MYO9B: variants seen among roughly 807,000 people sequenced by gnomAD.
The protein encoded by MYO9B is unconventional myosin-IXb.
A neutral mutation model predicts 229.5 loss-of-function variants in MYO9B; 71 were observed. The ratio of observed to expected loss-of-function variants is 0.31; its 90% CI spans 0.26 to 0.38. The LOEUF (loss-of-function observed/expected upper bound fraction) is 0.38. Ranked by LOEUF, MYO9B falls within the 10% of genes least tolerant of loss-of-function variation. The pLI, the probability that MYO9B is intolerant of heterozygous loss-of-function variation, is 1.00. For synonymous variants in MYO9B, 1,185 were observed against 1,235.8 expected, an observed-to-expected ratio of 0.96 and a Z score of 0.86; for missense variants, 2,255 against 2,920.5, an observed-to-expected ratio of 0.77 and a Z score of 5.25.
At chr19:17,090,887 C>T (rs1031714154) in intron 1 of MYO9B, among the ~76,000 whole-genome samples, 5 of 152,184 alleles carry the variant, frequency 3.3e-5, no homozygotes, top group African/African-American at 1.2e-4. Context: ...AATCTGCTTC[C>T]TTCCATTCCC....
Position 17,172,846 on chromosome 19 carries a change from A to G in MYO9B, c.2023A>G (p.Ile675Val), listed in dbSNP as rs1400977887. ...TGACAGCTCCTACGTGCGGGAGCTCATCGGCATGGACCCCGTGGCCGTGTT... is the reference window on the plus strand; with the variant it reads ...TGACAGCTCCTACGTGCGGGAGCTCGTCGGCATGGACCCCGTGGCCGTGTT... ...GSDSSYVREL[I>V]GMDPVAVFRW... The change falls in exon 13 of 40, where the codon ATC becomes GTC. Residue 675 changes from isoleucine to valine, a missense_variant. Coordinates refer to ENST00000682292, the MANE Select transcript of MYO9B (RefSeq NM_004145.4). The surrounding 1 kb of genome is among the most constrained non-coding windows in gnomAD (Gnocchi z 8.2). The G allele has an allele frequency of 1.2e-6, 2 of 1,610,986 alleles. No homozygotes were observed. The highest frequency in any genetic ancestry group is 1.7e-6 in the Non-Finnish European group (2 of 1,179,804).
At position 17,212,125 on chromosome 19, in the gene MYO9B, C is replaced by G. The variant is rs749277786; in HGVS notation, c.6289C>G (p.Arg2097Gly). Reference sequence around the variant, plus strand: ...GGAGGCGGCTGCCCCAGTGCGGCGCCGGGAGCCACCTGCCCGCCGCCCGGA... The same window carrying G: ...GGAGGCGGCTGCCCCAGTGCGGCGCGGGGAGCCACCTGCCCGCCGCCCGGA... ...AREAAAPVRR[R>G]EPPARRPDQI... The change falls in exon 40 of 40, where the codon CGG becomes GGG. Residue 2097 changes from arginine (R) to glycine (G), a missense_variant. Coordinates refer to ENST00000682292, the MANE Select transcript of MYO9B (RefSeq NM_004145.4). The surrounding 1 kb of genome is among the most constrained non-coding windows in gnomAD (Gnocchi z 5.4). 1 of 1,589,154 alleles carries G rather than the reference C, an allele frequency of 6.3e-7. No homozygotes were observed. Among genetic ancestry groups the G allele is most frequent in the African/African-American group, 1.3e-5 (1 of 74,292 alleles).
intron 2 of MYO9B, among the ~76,000 whole-genome samples, chr19:17,113,447 C>T (rs566941178): frequency 5.9e-5 from 9 of 152,246 alleles, no homozygotes; most frequent in Admixed American, 3.3e-4. Flanking sequence ...CCCCCCTGCT[C>T]GCCCTGCGAG....
At chr19:17,186,551 G>T (rs975791311) in intron 18 of MYO9B, among the ~76,000 whole-genome samples, 1 of 152,042 alleles carries the variant, frequency 6.6e-6, no homozygotes, top group Admixed American at 6.6e-5. Context: ...GGAACCTCCC[G>T]CCAACTGTAC....
chr19:17,113,494 G>A (rs929653281), intron 2 of MYO9B, among the ~76,000 whole-genome samples: 4 of 152,144 alleles, frequency 2.6e-5, no homozygotes, highest in African/African-American at 9.7e-5. Flanking sequence ...CATCCGAAAG[G>A]CTAAACAGCG....
At chr19:17,085,416 G>A (rs1383095664) in intron 1 of MYO9B, among the ~76,000 whole-genome samples, 2 of 152,052 alleles carry the variant, frequency 1.3e-5, no homozygotes, top group Non-Finnish European at 2.9e-5. Context: ...GCCAGGTAGC[G>A]AGCCACCTAG....
At chr19:17,159,129 G>A (rs1030701400) in intron 7 of MYO9B, among the ~76,000 whole-genome samples, 5 of 152,018 alleles carry the variant, frequency 3.3e-5, no homozygotes, top group African/African-American at 1.2e-4. Flanking sequence ...AGGAGGCAGA[G>A]GTTGCAGTGA....
chr19:17,079,850 C>G (rs1027015383), intron 1 of MYO9B, among the ~76,000 whole-genome samples: 2 of 152,284 alleles, frequency 1.3e-5, no homozygotes, highest in African/African-American at 4.8e-5. Flanking sequence ...GGCCTCTCGG[C>G]AAAGCAAGAC....
At chr19:17,118,767 G>A (rs992918448) in intron 2 of MYO9B, among the ~76,000 whole-genome samples, 8 of 152,144 alleles carry the variant, frequency 5.3e-5, no homozygotes, top group Non-Finnish European at 7.4e-5. Context: ...GATCACAGGC[G>A]TGAGCCACCA....
rs530956242 is a variant in MYO9B at position 17,100,984 on chromosome 19, T to G, written c.-58-676T>G. ...AGTCGTCTTCTGCTTGGGGAGCTGC[T>G]GGGGAGGTTTATTCAGAGATGAGGT... is the stretch of plus-strand genomic sequence containing the variant. On this transcript the variant is annotated intron_variant, in intron 1 of 39. Coordinates refer to ENST00000682292, the MANE Select transcript of MYO9B (RefSeq NM_004145.4). 1.3e-3 allele frequency among the ~76,000 whole-genome samples: 201 copies of G among 150,148 alleles called. 1 individual carries two copies. The highest frequency in any genetic ancestry group is 2.0e-3 in the Non-Finnish European group (133 of 67,676).
chr19:17,181,595 GA>G (rs2072861585), intron 15 of MYO9B, among the ~76,000 whole-genome samples: 1 of 152,174 alleles, frequency 6.6e-6, no homozygotes, highest in African/African-American at 2.4e-5. Context: ...CCATTATGCT[GA>G]CCCAGCACCA....
Position 17,187,941 on chromosome 19 carries a change from C to G in MYO9B, c.2584C>G (p.Leu862Val). The change falls in exon 19 of 40, where the codon CTG becomes GTG. Residue 862 changes from leucine (L) to valine (V), a missense_variant. Leu to Val is a conservative substitution (Grantham distance 32, BLOSUM62 1). This residue lies in a region of MYO9B where 68 missense variants were observed against 133.5 expected (regional missense o/e 0.51). Transcript: ENST00000682292. The stretch of plus-strand genomic sequence containing the variant: ...TCTCGCATTCCCATTTCAGAAAGAG[C>G]TGTGCTTTGACGACGAGCTGGTCCT... The part of the protein sequence containing the change: ...CIRSNAEKKE[L>V]CFDDELVLQQ... 6.3e-7 allele frequency: 1 copy of G among 1,583,666 alleles called. No individual in the cohort carries two copies. Among genetic ancestry groups the G allele is most frequent in the Non-Finnish European group, 8.6e-7 (1 of 1,164,874 alleles).
chr19:17,144,843 G>A (rs547647184), intron 2 of MYO9B, among the ~76,000 whole-genome samples: 21 of 151,646 alleles, frequency 1.4e-4, no homozygotes, highest in East Asian at 9.7e-4. Context: ...GGCAGCGTGC[G>A]CCTGTAATCC....
At position 17,195,402 on chromosome 19, in the gene MYO9B, T is replaced by C; in HGVS notation, c.3975T>C (p.Ser1325=). 4 of 1,609,378 alleles carry C rather than the reference T, an allele frequency of 2.5e-6. No homozygotes were observed. Among genetic ancestry groups the C allele is most frequent in the South Asian group, 2.2e-5 (2 of 90,928 alleles). Residue 1325 remains serine, a synonymous_variant, in exon 22 of 40, where the codon AGT becomes AGC. Coordinates refer to ENST00000682292, the MANE Select transcript of MYO9B (RefSeq NM_004145.4). The surrounding 1 kb of genome is among the most constrained non-coding windows in gnomAD (Gnocchi z 4.5). ...GKKLVAAASP[S]AMLSQSLDLS... is the part of the protein sequence containing the mutation. ...AGCTGGTGGCCGCCGCCAGCCCTAG[T>C]GCCATGCTCAGCCAGTCCCTGGACC...
intron 1 of MYO9B, among the ~76,000 whole-genome samples, chr19:17,096,563 G>A (rs886717710): frequency 1.5e-4 from 23 of 152,012 alleles, no homozygotes; most frequent in Admixed American, 1.2e-3. Flanking sequence ...GGTCGAGGCT[G>A]CAGTGAGCTG....
rs142295671 is a variant in MYO9B at position 17,154,826 on chromosome 19, G to A, written c.1199+411G>A. Among the ~76,000 whole-genome samples the A allele has an allele frequency of 4.9e-4, 75 of 152,222 alleles. 1 individual carries two copies. The highest frequency in any genetic ancestry group is 2.9e-5 in the Non-Finnish European group (2 of 68,022). ...AAATAAATAAAATTAGCCAGGCGTGGTAGTATGCACCTGTGGTCCCAGCTA... is the reference window on the plus strand; with the variant it reads ...AAATAAATAAAATTAGCCAGGCGTGATAGTATGCACCTGTGGTCCCAGCTA... On this transcript the variant is annotated intron_variant, in intron 6 of 39. Transcript: ENST00000682292.
intron 24 of MYO9B, among the ~76,000 whole-genome samples, chr19:17,199,698 T>A (rs2073085694): frequency 1.4e-5 from 1 of 73,548 alleles, no homozygotes. Flanking sequence ...TTCTTTTTTT[T>A]TCTTTTTTTT....
At chr19:17,097,753 AC>A (rs138913679) in intron 1 of MYO9B, among the ~76,000 whole-genome samples, 1,799 of 151,976 alleles carry the variant, frequency 0.012, 46 homozygotes, top group African/African-American at 0.04. Context: ...CCCTGACCCC[AC>A]TCAGTCACAG....
At chr19:17,081,328 C>G (rs2057532150) in intron 1 of MYO9B, among the ~76,000 whole-genome samples, 1 of 152,092 alleles carries the variant, frequency 6.6e-6, no homozygotes, top group Non-Finnish European at 1.5e-5. Context: ...TGCCCGGCCT[C>G]AACTTACATT....
Sources: gnomAD v4.1 joint callset for allele counts (sites outside exome capture counted in the v4.1 genomes callset) on GRCh38, gnomAD v4.1.1 for gene constraint, gnomAD v4.1.1 regional missense constraint, Gnocchi (gnomAD v3.1) non-coding constraint, MANE v1.5 for transcripts, NCBI Gene and HGNC (gene_info 2026-07-23, HGNC 2026-07-21) for gene names.